Variants in BLOC1S3 observed in about 807,000 individuals in gnomAD.
BLOC1S3 encodes biogenesis of lysosomal organelles complex 1 subunit 3, also known as biogenesis of lysosome-related organelles complex 1 subunit 3.
A neutral mutation model predicts 9.1 loss-of-function variants in BLOC1S3; 7 were observed. The observed-to-expected ratio is 0.77, with a 90% CI of 0.44 to 1.45. The LOEUF (loss-of-function observed/expected upper bound fraction) is 1.45, where lower values mean the gene tolerates loss of function less well. BLOC1S3 is among the 40% of genes most tolerant of loss of function. The probability of loss-of-function intolerance (pLI) is 0.01; values close to 1 mark genes in which losing one functional copy is unlikely to be tolerated. For synonymous variants in BLOC1S3, 145 were observed against 158.4 expected (o/e 0.92, Z 0.64); for missense variants, 307 against 315.2 (o/e 0.97, Z 0.20).
At position 45,213,187 on chromosome 19, in the gene BLOC1S3, C is replaced by T. The variant is rs751663787; in HGVS notation, n.283-3489C>T. On this transcript the variant is annotated intron_variant and non_coding_transcript_variant, in intron 3 of 3. Transcript: ENST00000591569. ...GCCCAGGAAGAGAGGGAGGCTGAGACAGAAAGATGGGCGGGGCACAGGGAT... is the reference window on the plus strand; with the variant it reads ...GCCCAGGAAGAGAGGGAGGCTGAGATAGAAAGATGGGCGGGGCACAGGGAT... The T allele has an allele frequency of 9.3e-6, 15 of 1,605,956 alleles. 1 individual carries two copies. Among genetic ancestry groups the T allele is most frequent in the Middle Eastern group, 1.7e-4 (1 of 6,014 alleles).
downstream of BLOC1S3, among the ~76,000 whole-genome samples, chr19:45,186,768 A>T (rs1253954213): frequency 6.6e-6 from 1 of 152,144 alleles, no homozygotes; most frequent in East Asian, 1.9e-4. Context: ...CAGCCTCAAC[A>T]CCACAGTCTT....
chr19:45,212,065 G>T (rs1969777877), intron 3 of BLOC1S3, among the ~76,000 whole-genome samples: 1 of 152,188 alleles, frequency 6.6e-6, no homozygotes, highest in South Asian at 2.1e-4. Flanking sequence ...CAGCTTCCCG[G>T]CTAAGGATGG....
At chr19:45,192,963 G>A (rs902281496) in intron 2 of BLOC1S3, among the ~76,000 whole-genome samples, 1 of 151,620 alleles carries the variant, frequency 6.6e-6, no homozygotes, top group African/African-American at 2.4e-5. Flanking sequence ...GTGAAACCCC[G>A]TGTCTACTAA....
intron 3 of BLOC1S3, among the ~76,000 whole-genome samples, chr19:45,211,704 C>T (rs577605858): frequency 4.0e-4 from 60 of 151,690 alleles, no homozygotes; most frequent in Admixed American, 1.6e-3. Context: ...GAGAGTCCCT[C>T]GTCTCTACCT....
At chr19:45,207,555 C>CAAAAAAAAA in intron 3 of BLOC1S3, among the ~76,000 whole-genome samples, 1 of 64,748 alleles carries the variant, frequency 1.5e-5, no homozygotes, top group Non-Finnish European at 3.6e-5. Context: ...GACTCTGTCT[C>CAAAAAAAAA]AAAAAAAAAA....
In BLOC1S3 at chr19:45,180,033, G is replaced by T. The variant is rs1245381309; in HGVS notation, c.*128G>T. On this transcript the variant is annotated 3_prime_UTR_variant, in exon 2 of 2. Coordinates refer to ENST00000433642, the MANE Select transcript of BLOC1S3 (RefSeq NM_212550.5). Reference sequence around the variant, plus strand: ...TCCCATCTTGGTGTCACCCATGGGGGCTAATCCGGTCCCCTTGGATAATGC... The same window carrying T: ...TCCCATCTTGGTGTCACCCATGGGGTCTAATCCGGTCCCCTTGGATAATGC... 36 of 1,063,930 alleles carry T rather than the reference G, an allele frequency of 3.4e-5. 1 individual carries two copies. The South Asian group carries it at 4.6e-4, about 14-fold the overall frequency. 65.9% of individuals were successfully genotyped at this position (1,063,930 alleles called of 1,614,324 possible).
At chr19:45,210,657 G>A (rs573393284) in intron 3 of BLOC1S3, among the ~76,000 whole-genome samples, 24 of 150,850 alleles carry the variant, frequency 1.6e-4, no homozygotes, top group Non-Finnish European at 3.1e-4. Context: ...AGGCTACAAC[G>A]CAGAGGCACA....
intron 2 of BLOC1S3, among the ~76,000 whole-genome samples, chr19:45,201,322 C>T (rs192008124): frequency 5.9e-5 from 9 of 152,232 alleles, no homozygotes; most frequent in East Asian, 3.9e-4. Context: ...TCCAAACAAA[C>T]GCAGTCTCTC....
At chr19:45,182,923 C>T (rs989079846), downstream of BLOC1S3, among the ~76,000 whole-genome samples, 1 of 151,786 alleles carries the variant, frequency 6.6e-6, no homozygotes, top group Non-Finnish European at 1.5e-5. Flanking sequence ...CTAATCTGGG[C>T]GGGAGAGAGG....
chr19:45,188,089 C>T (rs1599750406), intron 2 of BLOC1S3, among the ~76,000 whole-genome samples: 1 of 152,136 alleles, frequency 6.6e-6, no homozygotes, highest in Non-Finnish European at 1.5e-5. Context: ...GCAGCGTGAT[C>T]TCAGCTCACT....
chr19:45,190,359 T>G (rs1969595313), intron 2 of BLOC1S3, among the ~76,000 whole-genome samples: 1 of 149,462 alleles, frequency 6.7e-6, no homozygotes, highest in Non-Finnish European at 1.5e-5. Context: ...CCCCTCCTTC[T>G]CTCTCTCTCT....
chr19:45,194,102 C>CTTTTT lies in BLOC1S3; in HGVS notation n.180+6383_180+6387dup, dbSNP rs34470523. Among the ~76,000 whole-genome samples the CTTTTT allele has an allele frequency of 1.6e-4, 7 of 45,118 alleles. 2 individuals carry two copies. The highest frequency in any genetic ancestry group is 6.6e-4 in the Admixed American group (2 of 3,042). 29.6% of individuals were successfully genotyped at this position (45,118 alleles called of 152,430 possible). A position where few individuals can be genotyped will look rare whatever the true frequency, so the allele number is the denominator to read the frequency against. ...ACAGGTGTGAGCCACCGCGCCTGGC[C>CTTTTT]TTTTTTTTTTTTTTTTTTTTTTTTT... On this transcript the variant is annotated intron_variant and non_coding_transcript_variant, in intron 2 of 3. Coordinates refer to the BLOC1S3 transcript ENST00000591569.
rs904550446 is a variant in BLOC1S3, at chr19:45,181,096, A to T, written c.*1191A>T. On this transcript the variant is annotated 3_prime_UTR_variant, in exon 2 of 2. Coordinates refer to ENST00000433642, the MANE Select transcript of BLOC1S3 (RefSeq NM_212550.5). ...TGCTGGTTCTACTTTTTGTTCTCCCATCTGCCTCCTGCCTCCTCCCCTTTG... is the reference window on the plus strand; with the variant it reads ...TGCTGGTTCTACTTTTTGTTCTCCCTTCTGCCTCCTGCCTCCTCCCCTTTG... The T allele has an allele frequency of 1.8e-5, 3 of 167,538 alleles. No individual in the cohort carries two copies. The highest frequency in any genetic ancestry group is 7.3e-5 in the African/African-American group (3 of 41,344). The allele number at this position is 167,538 out of a possible 1,614,324, so 10.4% of individuals were successfully genotyped here.
At chr19:45,196,299 G>A (rs1969647723) in intron 2 of BLOC1S3, among the ~76,000 whole-genome samples, 1 of 151,956 alleles carries the variant, frequency 6.6e-6, no homozygotes, top group South Asian at 2.1e-4. Flanking sequence ...AATTGCTTGA[G>A]CCCAGGAGAT....
intron 2 of BLOC1S3, among the ~76,000 whole-genome samples, chr19:45,197,680 C>T (rs1390655188): frequency 1.3e-5 from 2 of 151,842 alleles, no homozygotes; most frequent in Admixed American, 6.6e-5. Flanking sequence ...CAAAAATTAG[C>T]CAGGCATGAT....
chr19:45,199,807 G>A (rs1436857726), intron 2 of BLOC1S3, among the ~76,000 whole-genome samples: 1 of 151,564 alleles, frequency 6.6e-6, no homozygotes, highest in Non-Finnish European at 1.5e-5. Context: ...TTGTCGACCA[G>A]GCTGGAGTGC....
At chr19:45,193,440 T>C (rs1482367422) in intron 2 of BLOC1S3, among the ~76,000 whole-genome samples, 1 of 152,144 alleles carries the variant, frequency 6.6e-6, no homozygotes, top group Non-Finnish European at 1.5e-5. Context: ...TTGTCTATGG[T>C]TTCCTTTAGC....
At chr19:45,190,356 T>TTC (rs35662974) in intron 2 of BLOC1S3, among the ~76,000 whole-genome samples, 53,797 of 147,640 alleles carry the variant, frequency 0.36, 10,535 homozygotes, top group Non-Finnish European at 0.44. Context: ...AGACCCCTCC[T>TTC]TCTCTCTCTC....
intron 2 of BLOC1S3, among the ~76,000 whole-genome samples, chr19:45,198,627 A>G (rs1969667347): frequency 6.6e-6 from 1 of 151,972 alleles, no homozygotes. Context: ...GTGCCACTCT[A>G]TCCTAGCCTG....
Sources: allele counts gnomAD v4.1 joint callset (sites outside exome capture counted in the v4.1 genomes callset), GRCh38; gene constraint gnomAD v4.1.1; transcripts MANE v1.5; gene names NCBI Gene and HGNC (gene_info 2026-07-23, HGNC 2026-07-21).